UBAC1: variants seen among roughly 807,000 people sequenced by gnomAD.
The protein encoded by UBAC1 is ubiquitin-associated domain-containing protein 1.
A neutral mutation model predicts 45.9 loss-of-function variants in UBAC1; 27 were observed. The observed-to-expected ratio is 0.59, with a 90% CI of 0.43 to 0.81. UBAC1 has a LOEUF of 0.81. Among genes scored for constraint, UBAC1 ranks in the 30% least tolerant of loss-of-function variants. The probability of loss-of-function intolerance (pLI) is 0.00; values close to 1 mark genes in which losing one functional copy is unlikely to be tolerated. For synonymous variants in UBAC1, 227 were observed against 215.5 expected (o/e 1.05, Z -0.47); for missense variants, 529 against 539.2 (o/e 0.98, Z 0.19).
In UBAC1 at chr9:135,953,617, C is replaced by T. The variant is rs1036472393; in HGVS notation, c.333+63G>A. On this transcript the variant is annotated intron_variant, in intron 3 of 9. Transcript: ENST00000371756. Reference sequence around the variant, plus strand: ...ACAGGCGCGAGCCACTGTACCCAGCCTGTAATTCTTAAATGTAGACTTCTA... The same window carrying T: ...ACAGGCGCGAGCCACTGTACCCAGCTTGTAATTCTTAAATGTAGACTTCTA... 2.4e-5 allele frequency: 35 copies of T among 1,487,032 alleles called. No individual in the cohort carries two copies. The Admixed American group carries it at 5.8e-4, about 24-fold the overall frequency. The allele number at this position is 1,487,032 out of a possible 1,614,324, so 92.1% of individuals were successfully genotyped here.
rs201115937 is a variant in UBAC1 at position 135,946,356 on chromosome 9, G to C, written c.457C>G (p.Arg153Gly). The change falls in exon 5 of 10, where the codon CGG becomes GGG. Residue 153 changes from arginine to glycine, a missense_variant. Arg to Gly is a moderately radical substitution (Grantham distance 125). Transcript: ENST00000371756. Reference sequence around the variant, plus strand: ...TCGATGAGAGACACCAGTATCTTCCGGAGTTCTGTCTGGAACTGTGGTGAA... The same window carrying C: ...TCGATGAGAGACACCAGTATCTTCCCGAGTTCTGTCTGGAACTGTGGTGAA... ...TNMRDFQTEL[R>G]KILVSLIEVA... is the part of the protein sequence containing the mutation. 52 of 1,611,890 alleles carry C rather than the reference G, an allele frequency of 3.2e-5. No homozygotes were observed. The East Asian group carries it at 1.1e-3, about 35-fold the overall frequency.
At chr9:135,946,108 G>A in intron 5 of UBAC1, 111 bp from the exon 6 acceptor site, 1 of 1,181,834 alleles carries the variant, frequency 8.5e-7, no homozygotes, top group South Asian at 1.3e-5. Flanking sequence ...CCCGCCCTCA[G>A]GCACATCAAC....
At chr9:135,947,297 G>A (rs563905902) in intron 4 of UBAC1, among the ~76,000 whole-genome samples, 138 of 152,194 alleles carry the variant, frequency 9.1e-4, no homozygotes, top group African/African-American at 3.3e-3. Flanking sequence ...TGCTGCCGAG[G>A]CTGGAGTACG....
Position 135,947,830 on chromosome 9 carries a change from C to G in UBAC1, c.409G>C (p.Asp137His), listed in dbSNP as rs568582980. 7.0e-5 allele frequency: 113 copies of G among 1,614,134 alleles called. 1 individual carries two copies. In the South Asian group the frequency reaches 1.0e-3, roughly 15 times the overall value. The change falls in exon 4 of 10, where the codon GAC becomes CAC. Residue 137 changes from aspartate (D) to histidine (H), a missense_variant. Asp to His is a moderately conservative substitution (Grantham distance 81). Coordinates refer to ENST00000371756, the MANE Select transcript of UBAC1 (RefSeq NM_016172.3). ...ATANLPSYNM[D>H]RAAVQTNMRD... ...ATGTTGGTCTGGACCGCGGCCCGGT[C>G]CATGTTGTAGGAGGGCAGGTTGGCG...
Position 135,961,151 on chromosome 9 carries a change from C to T in UBAC1, c.12G>A (p.Gln4=). The T allele has an allele frequency of 6.4e-7, 1 of 1,572,848 alleles. No homozygotes were observed. The change falls in exon 1 of 10, where the codon CAG becomes CAA. Residue 4 remains glutamine, a synonymous_variant. Coordinates refer to ENST00000371756, the MANE Select transcript of UBAC1 (RefSeq NM_016172.3). ...CCTTGCCCGCGAAGATCTTCTCCTC[C>T]TGCACGAACATCCCGCCGCCGCCGC... MFV[Q]EEKIFAGKVL...
At chr9:135,946,713 A>G (rs1452208278) in intron 4 of UBAC1, among the ~76,000 whole-genome samples, 5 of 152,232 alleles carry the variant, frequency 3.3e-5, no homozygotes, top group Non-Finnish European at 7.3e-5. Context: ...AAGAAAACAG[A>G]ATCATCTGAG....
At chr9:135,937,493 C>T (rs1039178622) in intron 9 of UBAC1, among the ~76,000 whole-genome samples, 2 of 147,314 alleles carry the variant, frequency 1.4e-5, no homozygotes, top group African/African-American at 2.5e-5. Flanking sequence ...GACAACCCAA[C>T]GAGCCCTGGG....
At chr9:135,959,625 G>A (rs1331206453) in intron 1 of UBAC1, among the ~76,000 whole-genome samples, 1 of 151,844 alleles carries the variant, frequency 6.6e-6, no homozygotes, top group African/African-American at 2.4e-5. Flanking sequence ...CGCCCACCTC[G>A]GCCTCCCAAA....
rs760357805 is a variant in UBAC1, at chr9:135,953,753, T to G, written c.260A>C (p.Asp87Ala). ...ACGCTTTTTTATCAATAATAGGACA[T>G]CTAGAAAAAACAACACGTATATCCA... ...TILEENIQDQDVLLLIKKRAP... is the reference protein window; with the variant it reads ...TILEENIQDQAVLLLIKKRAP... The change falls in exon 3 of 10, where the codon GAT becomes GCT. Residue 87 changes from aspartate to alanine, a missense_variant and splice_region_variant. Coordinates refer to ENST00000371756, the MANE Select transcript of UBAC1 (RefSeq NM_016172.3). 5.0e-6 allele frequency: 8 copies of G among 1,613,290 alleles called. No individual in the cohort carries two copies. Among genetic ancestry groups the G allele is most frequent in the Admixed American group, 1.7e-5 (1 of 59,952 alleles).
chr9:135,941,065 G>C (rs1839264472), intron 7 of UBAC1, among the ~76,000 whole-genome samples: 1 of 152,194 alleles, frequency 6.6e-6, no homozygotes, highest in African/African-American at 2.4e-5. Context: ...AGCTGGGGTG[G>C]AGCTCAGGAA....
At position 135,954,138 on chromosome 9, in the gene UBAC1, T is replaced by TAAA. The variant is rs1461891584; in HGVS notation, c.260-388_260-386dup. ...TGGGCAACAGAGCAAGACTTCATCTTAAAAAAAAAAAAAAAAAAGAAGAAG... is the reference window on the plus strand; with the variant it reads ...TGGGCAACAGAGCAAGACTTCATCTTAAAAAAAAAAAAAAAAAAAAAGAAGAAG... On this transcript the variant is annotated intron_variant, in intron 2 of 9. Coordinates refer to ENST00000371756, the MANE Select transcript of UBAC1 (RefSeq NM_016172.3). Among the ~76,000 whole-genome samples the TAAA allele has an allele frequency of 6.9e-4, 71 of 103,588 alleles. 1 individual carries two copies. In the East Asian group the frequency reaches 0.014, roughly 20 times the overall value. 68.0% of individuals were successfully genotyped at this position (103,588 alleles called of 152,430 possible). A position where few individuals can be genotyped will look rare whatever the true frequency, so the allele number is the denominator to read the frequency against.
In UBAC1 at chr9:135,949,889, A is replaced by C. The variant is rs1403960839; in HGVS notation, c.334-1984T>G. ...TCAACTAATCAGGCAGGTCCTTAAA[A>C]GGGATGGGTCTCTTTCTGGAAAGAG... On this transcript the variant is annotated intron_variant, in intron 3 of 9. Coordinates refer to ENST00000371756, the MANE Select transcript of UBAC1 (RefSeq NM_016172.3). Among the ~76,000 whole-genome samples, 3 of 152,232 alleles carry C rather than the reference A, an allele frequency of 2.0e-5. No individual in the cohort carries two copies. In the East Asian group the frequency reaches 5.8e-4, roughly 29 times the overall value.
intron 7 of UBAC1, among the ~76,000 whole-genome samples, chr9:135,942,648 C>A (rs1264440789): frequency 3.1e-5 from 4 of 129,912 alleles, no homozygotes; most frequent in African/African-American, 1.1e-4. Context: ...GTGAAACTGT[C>A]TCAAAAAAAA....
At chr9:135,937,982 A>G (rs1313700550) in intron 9 of UBAC1, among the ~76,000 whole-genome samples, 1 of 152,136 alleles carries the variant, frequency 6.6e-6, no homozygotes, top group Non-Finnish European at 1.5e-5. Context: ...TCTGAGGCCT[A>G]TGTCAGGGTC....
intron 3 of UBAC1, among the ~76,000 whole-genome samples, chr9:135,950,116 C>T (rs1453404908): frequency 6.6e-6 from 1 of 152,242 alleles, no homozygotes; most frequent in African/African-American, 2.4e-5. Context: ...GGCAGCCCTT[C>T]AGCACCCTGA....
In UBAC1 at chr9:135,933,456, T is replaced by C. The variant is rs760404401; in HGVS notation, c.1162A>G (p.Thr388Ala). 6.2e-7 allele frequency: 1 copy of C among 1,614,090 alleles called. No homozygotes were observed. Reference sequence around the variant, plus strand: ...GAGATCTGCAGCATGACAGGCCCCGTTTCTGGATCATTCATCCACTGGGTG... The same window carrying C: ...GAGATCTGCAGCATGACAGGCCCCGCTTCTGGATCATTCATCCACTGGGTG... ...NSTQWMNDPE[T>A]GPVMLQISRI... Residue 388 changes from threonine to alanine, a missense_variant, in exon 10 of 10, where the codon ACG becomes GCG. By Grantham distance (58) the Thr-to-Ala change is moderately conservative. Transcript: ENST00000371756.
At chr9:135,939,010 T>C (rs958362170) in intron 8 of UBAC1, among the ~76,000 whole-genome samples, 1 of 152,042 alleles carries the variant, frequency 6.6e-6, no homozygotes, top group Non-Finnish European at 1.5e-5. Context: ...GAGTTCAAGA[T>C]CAGCCTGGGC....
chr9:135,938,159 G>A (rs1409147794), intron 9 of UBAC1, 63 bp downstream of exon 9: 6 of 1,587,494 alleles, frequency 3.8e-6, no homozygotes, highest in Non-Finnish European at 5.1e-6. Flanking sequence ...GCACCTATTT[G>A]TCCTGCAAGG....
chr9:135,958,387 A>C (rs2131096452), intron 1 of UBAC1, among the ~76,000 whole-genome samples: 1 of 152,306 alleles, frequency 6.6e-6, no homozygotes, highest in East Asian at 1.9e-4. Flanking sequence ...CTGTTGTACA[A>C]GACAGGTTCC....
Sources: gnomAD v4.1 joint callset for allele counts (sites outside exome capture counted in the v4.1 genomes callset) on GRCh38, gnomAD v4.1.1 for gene constraint, MANE v1.5 for transcripts, NCBI Gene and HGNC (gene_info 2026-07-23, HGNC 2026-07-21) for gene names.